The following NRXN1 variants were observed in gnomAD, a reference collection of about 807,000 sequenced individuals.
NRXN1 encodes the protein neurexin 1.
Under a neutral mutation model 150.9 loss-of-function variants are expected in NRXN1, and 39 were observed. The observed-to-expected ratio is 0.26, with a 90% CI of 0.20 to 0.34. The LOEUF is 0.34. Ranked by LOEUF, NRXN1 falls within the 10% of genes least tolerant of loss-of-function variation. The pLI is 1.00. For synonymous variants in NRXN1, 924 were observed against 757.0 expected (o/e 1.22, Z -3.62); for missense variants, 1,815 against 1,949.9 (o/e 0.93, Z 1.30).
At chr2:50,055,128 A>G (rs1693396497) in intron 19 of NRXN1, 84 bp from the exon 20 acceptor site, 3 of 848,658 alleles carry the variant, frequency 3.5e-6, no homozygotes, top group African/African-American at 1.8e-5. Flanking sequence ...TGAGCTATAC[A>G]GTTGCCACAT....
intron 5 of NRXN1, among the ~76,000 whole-genome samples, chr2:50,778,170 T>A (rs552142660): frequency 6.6e-6 from 1 of 152,262 alleles, no homozygotes; most frequent in African/African-American, 2.4e-5. Context: ...TGCAAACCTG[T>A]CAGATTCCAC....
At chr2:49,980,367 T>A (rs898019299) in intron 21 of NRXN1, among the ~76,000 whole-genome samples, 2 of 152,038 alleles carry the variant, frequency 1.3e-5, no homozygotes, top group Non-Finnish European at 2.9e-5. Flanking sequence ...CATATTGGAG[T>A]TTCAGCTTCG....
intron 13 of NRXN1, 106 bp from the exon 14 acceptor site, chr2:50,497,820 T>C (rs2091726815): frequency 1.0e-6 from 1 of 996,278 alleles, no homozygotes; most frequent in Admixed American, 2.5e-5. Flanking sequence ...GCCAAATCCC[T>C]CCTTGGTACT....
intron 17 of NRXN1, among the ~76,000 whole-genome samples, chr2:50,334,067 C>T (rs2077007996): frequency 6.6e-6 from 1 of 151,634 alleles, no homozygotes; most frequent in South Asian, 2.1e-4. Context: ...GTGTCTGGCC[C>T]TCATTCAAGG....
intron 17 of NRXN1, among the ~76,000 whole-genome samples, chr2:50,304,669 C>T (rs767937775): frequency 1.4e-5 from 2 of 146,830 alleles, no homozygotes; most frequent in Non-Finnish European, 3.0e-5. Context: ...ATTTTTTGTT[C>T]CTCTAAATTT....
chr2:50,762,566 C>T (rs1020490116), intron 5 of NRXN1, among the ~76,000 whole-genome samples: 3 of 151,834 alleles, frequency 2.0e-5, no homozygotes, highest in Non-Finnish European at 4.4e-5. Context: ...TGTTTAGCTT[C>T]CACTTATGAG....
At chr2:50,013,007 T>A (rs1328273678) in intron 21 of NRXN1, among the ~76,000 whole-genome samples, 1 of 152,030 alleles carries the variant, frequency 6.6e-6, no homozygotes, top group Non-Finnish European at 1.5e-5. Context: ...CCCTACCTGC[T>A]TGGGATCTGA....
intron 18 of NRXN1, among the ~76,000 whole-genome samples, chr2:50,115,135 A>G (rs1481173509): frequency 6.7e-6 from 1 of 149,376 alleles, no homozygotes; most frequent in Non-Finnish European, 1.5e-5. Context: ...AAATCTTTGT[A>G]ATTTCGCTCA....
intron 17 of NRXN1, among the ~76,000 whole-genome samples, chr2:50,372,520 G>A (rs2080103506): frequency 6.6e-6 from 1 of 152,022 alleles, no homozygotes. Context: ...CTTTTATTTA[G>A]ATGAATAATC....
chr2:50,745,590 G>C (rs1337764729), intron 5 of NRXN1, among the ~76,000 whole-genome samples: 1 of 152,120 alleles, frequency 6.6e-6, no homozygotes. Context: ...ACATAAGCAA[G>C]ACTGGGTAAT....
At chr2:50,694,247 GAAAA>G (rs1423310042) in intron 5 of NRXN1, among the ~76,000 whole-genome samples, 1 of 152,130 alleles carries the variant, frequency 6.6e-6, no homozygotes, top group African/African-American at 2.4e-5. Context: ...AGACTAGAAA[GAAAA>G]GATTCCAGAA....
chr2:50,595,894 T>G (rs1675121103), intron 8 of NRXN1, among the ~76,000 whole-genome samples: 1 of 152,344 alleles, frequency 6.6e-6, no homozygotes, highest in East Asian at 1.9e-4. Flanking sequence ...AAAGCTTTAA[T>G]GTAAGAATAA....
intron 21 of NRXN1, among the ~76,000 whole-genome samples, chr2:50,011,964 T>C (rs1262365313): frequency 5.3e-5 from 8 of 152,086 alleles, no homozygotes; most frequent in African/African-American, 1.7e-4. Flanking sequence ...TCACTTTCCA[T>C]TATACAACAC....
Position 50,084,036 on chromosome 2 carries a change from T to A in NRXN1, c.3718+7287A>T, listed in dbSNP as rs572120815. Reference sequence around the variant, plus strand: ...AAGATTCTCCAAGTCCCCACCAGATTAGTTAGATACAGAGTGCAGATTGGT... The same window carrying A: ...AAGATTCTCCAAGTCCCCACCAGATAAGTTAGATACAGAGTGCAGATTGGT... On this transcript the variant is annotated intron_variant, in intron 19 of 22. Transcript: ENST00000401669. 7.9e-5 allele frequency among the ~76,000 whole-genome samples: 12 copies of A among 151,830 alleles called. No homozygotes were observed. In the South Asian group the frequency reaches 2.3e-3, roughly 29 times the overall value.
chr2:50,761,614 T>C (rs937989788), intron 5 of NRXN1, among the ~76,000 whole-genome samples: 1 of 151,882 alleles, frequency 6.6e-6, no homozygotes, highest in Admixed American at 6.6e-5. Context: ...TTTTTTGTGA[T>C]GGTTAATATT....
chr2:50,722,491 G>C, intron 5 of NRXN1, among the ~76,000 whole-genome samples: 1 of 151,886 alleles, frequency 6.6e-6, no homozygotes, highest in East Asian at 1.9e-4. Context: ...AATGATTTGG[G>C]GATACGTTTC....
At chr2:50,202,794 G>A (rs1313661935) in intron 18 of NRXN1, among the ~76,000 whole-genome samples, 1 of 152,128 alleles carries the variant, frequency 6.6e-6, no homozygotes, top group Non-Finnish European at 1.5e-5. Flanking sequence ...TAGCAAGTGA[G>A]AGAGGAGGGT....
At chr2:50,391,611 G>C (rs1212552709) in intron 17 of NRXN1, among the ~76,000 whole-genome samples, 1 of 152,116 alleles carries the variant, frequency 6.6e-6, no homozygotes, top group Non-Finnish European at 1.5e-5. Context: ...TCACAATGCA[G>C]CTTTATGGCA....
At chr2:50,753,384 A>G (rs1333026557) in intron 5 of NRXN1, among the ~76,000 whole-genome samples, 1 of 151,876 alleles carries the variant, frequency 6.6e-6, no homozygotes, top group Admixed American at 6.6e-5. Flanking sequence ...GAAGGCTCCT[A>G]GCAAAAACAA....
Sources: allele counts gnomAD v4.1 joint callset (sites outside exome capture counted in the v4.1 genomes callset), GRCh38; gene constraint gnomAD v4.1.1; transcripts MANE v1.5; gene names NCBI Gene and HGNC (gene_info 2026-07-23, HGNC 2026-07-21).